ZNF804A: variants seen among roughly 807,000 people sequenced by gnomAD.
ZNF804A encodes zinc finger protein 804A.
ZNF804A carries 2 observed loss-of-function variants against 16.5 expected under a neutral mutation model. The observed-to-expected ratio is 0.12, with a 90% CI of 0.05 to 0.38. The LOEUF is 0.38. Ranked by LOEUF, ZNF804A falls within the 10% of genes least tolerant of loss-of-function variation. ZNF804A has a pLI of 0.99. For missense variants in ZNF804A, 1,473 were observed against 1,390.7 expected (o/e 1.06, Z -0.94); for synonymous variants, 534 against 489.6 (o/e 1.09, Z -1.20).
At chr2:184,764,618 A>G (rs1694088502) in intron 1 of ZNF804A, among the ~76,000 whole-genome samples, 1 of 152,170 alleles carries the variant, frequency 6.6e-6, no homozygotes. Context: ...CCTTCTTTTA[A>G]AAAAGATACA....
chr2:184,870,039 G>A (rs77169530), intron 2 of ZNF804A, among the ~76,000 whole-genome samples: 262 of 151,960 alleles, frequency 1.7e-3, no homozygotes, highest in Non-Finnish European at 2.6e-3. Flanking sequence ...AAAGATGTTC[G>A]ATTGTAACAA....
intron 1 of ZNF804A, among the ~76,000 whole-genome samples, chr2:184,731,564 CTT>C (rs34877709): frequency 5.1e-4 from 43 of 84,664 alleles, no homozygotes; most frequent in African/African-American, 1.8e-3. Context: ...GTCTTTAACG[CTT>C]TTTTTTTTTT....
chr2:184,606,453 C>G (rs1691147671), intron 1 of ZNF804A, among the ~76,000 whole-genome samples: 1 of 152,112 alleles, frequency 6.6e-6, no homozygotes, highest in African/African-American at 2.4e-5. Flanking sequence ...AGTCACTTCC[C>G]TCCCTCAACA....
rs746146750 is a variant in ZNF804A, at chr2:184,938,714, CGCTGCAGCTGCTGCAGCTGCAGCTGCA to C, written c.3321_3347del (p.Ala1111_Ala1119del). The C allele has an allele frequency of 3.1e-6, 5 of 1,612,288 alleles. No individual in the cohort carries two copies. Among genetic ancestry groups the C allele is most frequent in the East Asian group, 2.2e-5 (1 of 44,804 alleles). ...TCCATCACACTGTTTTGCAGCAGCACGCTGCAGCTGCTGCAGCTGCAGCTGCAGCCGCAGCTGCAGGAACCTTTAAAG... is the reference window on the plus strand; with the variant it reads ...TCCATCACACTGTTTTGCAGCAGCACGCCGCAGCTGCAGGAACCTTTAAAG... On this transcript the variant is annotated inframe_deletion, in exon 4 of 4. Coordinates refer to ENST00000302277, the MANE Select transcript of ZNF804A (RefSeq NM_194250.2).
chr2:184,672,941 C>T (rs765399862), intron 1 of ZNF804A, among the ~76,000 whole-genome samples: 4 of 151,926 alleles, frequency 2.6e-5, no homozygotes, highest in Non-Finnish European at 5.9e-5. Flanking sequence ...GGGGTTTCAC[C>T]ATATTGACTA....
At chr2:184,815,622 C>G (rs1480929892) in intron 1 of ZNF804A, among the ~76,000 whole-genome samples, 2 of 151,732 alleles carry the variant, frequency 1.3e-5, no homozygotes, top group Non-Finnish European at 2.9e-5. Context: ...TATTTAATAT[C>G]TATAAAGCAG....
chr2:184,759,837 A>G (rs1694015870), intron 1 of ZNF804A, among the ~76,000 whole-genome samples: 1 of 152,000 alleles, frequency 6.6e-6, no homozygotes, highest in South Asian at 2.1e-4. Context: ...CCCGCCAGAG[A>G]ACAACCCCTC....
intron 2 of ZNF804A, among the ~76,000 whole-genome samples, chr2:184,877,087 T>A (rs1684704917): frequency 6.6e-6 from 1 of 152,152 alleles, no homozygotes; most frequent in Non-Finnish European, 1.5e-5. Context: ...TAACCATTTA[T>A]TAACTCTTGG....
At chr2:184,777,708 T>G (rs76681631) in intron 1 of ZNF804A, among the ~76,000 whole-genome samples, 1 of 151,710 alleles carries the variant, frequency 6.6e-6, no homozygotes, top group Non-Finnish European at 1.5e-5. Flanking sequence ...CACCCTTCAT[T>G]TATCTTTTAA....
intron 1 of ZNF804A, among the ~76,000 whole-genome samples, chr2:184,684,391 T>A (rs1295293916): frequency 6.6e-6 from 1 of 152,222 alleles, no homozygotes; most frequent in Non-Finnish European, 1.5e-5. Context: ...CTATAAGAAA[T>A]TTGAAATTAT....
At chr2:184,788,182 T>C (rs1428267138) in intron 1 of ZNF804A, among the ~76,000 whole-genome samples, 1 of 152,100 alleles carries the variant, frequency 6.6e-6, no homozygotes, top group Non-Finnish European at 1.5e-5. Context: ...TTATCTATTT[T>C]GTTCCAATGA....
intron 1 of ZNF804A, among the ~76,000 whole-genome samples, chr2:184,682,098 C>T (rs1692551723): frequency 6.6e-6 from 1 of 152,196 alleles, no homozygotes; most frequent in East Asian, 1.9e-4. Flanking sequence ...GCTGAGTCTT[C>T]GCATGGGCCT....
intron 2 of ZNF804A, among the ~76,000 whole-genome samples, chr2:184,868,139 A>G (rs1574248882): frequency 2.0e-5 from 3 of 152,068 alleles, no homozygotes; most frequent in African/African-American, 7.2e-5. Flanking sequence ...CCCACCTTTG[A>G]CAATGCTCAG....
intron 1 of ZNF804A, among the ~76,000 whole-genome samples, chr2:184,795,660 T>C (rs1558963997): frequency 6.6e-6 from 1 of 151,906 alleles, no homozygotes; most frequent in African/African-American, 2.4e-5. Context: ...ATAAATAAAA[T>C]TGATAGACCT....
intron 1 of ZNF804A, among the ~76,000 whole-genome samples, chr2:184,722,611 G>T (rs535953701): frequency 1.3e-5 from 2 of 152,000 alleles, no homozygotes; most frequent in South Asian, 4.2e-4. Context: ...CGTATGAATT[G>T]GTTAAATATG....
At chr2:184,867,717 T>C (rs1695896220) in intron 2 of ZNF804A, among the ~76,000 whole-genome samples, 3 of 152,154 alleles carry the variant, frequency 2.0e-5, no homozygotes, top group Non-Finnish European at 4.4e-5. Context: ...TATCATTGCT[T>C]GATTTGAACA....
intron 2 of ZNF804A, among the ~76,000 whole-genome samples, chr2:184,876,112 AG>A (rs1473034295): frequency 6.6e-6 from 1 of 152,164 alleles, no homozygotes; most frequent in African/African-American, 2.4e-5. Flanking sequence ...GTTCTGCCCC[AG>A]AGGAAGTCAA....
At chr2:184,603,803 A>G in intron 1 of ZNF804A, among the ~76,000 whole-genome samples, 1 of 152,174 alleles carries the variant, frequency 6.6e-6, no homozygotes, top group East Asian at 1.9e-4. Flanking sequence ...AAACTCTTAT[A>G]TATTCAATAT....
intron 2 of ZNF804A, among the ~76,000 whole-genome samples, chr2:184,906,271 T>C (rs968369054): frequency 3.3e-5 from 5 of 152,152 alleles, no homozygotes; most frequent in African/African-American, 1.2e-4. Flanking sequence ...TCTATCCTTA[T>C]AAGAAATGCA....
Sources: gnomAD v4.1 joint callset for allele counts (sites outside exome capture counted in the v4.1 genomes callset) on GRCh38, gnomAD v4.1.1 for gene constraint, MANE v1.5 for transcripts, NCBI Gene and HGNC (gene_info 2026-07-23, HGNC 2026-07-21) for gene names.